Variants in NTM observed in about 807,000 individuals in gnomAD.
The protein encoded by NTM is IgLON family member 2.
A neutral mutation model predicts 42.1 loss-of-function variants in NTM; 13 were observed. The observed-to-expected ratio is 0.31, with a 90% CI of 0.20 to 0.49. The LOEUF is 0.49. Ranked by LOEUF, NTM falls within the 20% of genes least tolerant of loss-of-function variation. NTM has a pLI of 0.99. For missense variants in NTM, 373 were observed against 452.8 expected, an observed-to-expected ratio of 0.82 and a Z score of 1.60; for synonymous variants, 187 against 179.2, an observed-to-expected ratio of 1.04 and a Z score of -0.35.
At position 132,003,958 on chromosome 11, in the gene NTM, C is replaced by T. The variant is rs866904549; in HGVS notation, c.167+92310C>T. On this transcript the variant is annotated intron_variant, in intron 2 of 8. Transcript: ENST00000683400. The surrounding 1 kb of genome is among the most constrained non-coding windows in gnomAD (Gnocchi z 6.0). ...CCCATCCTCATTGTTCAGGTTTCATCGTCTCCTTAATCAACCATTAGCATA... is the reference window on the plus strand; with the variant it reads ...CCCATCCTCATTGTTCAGGTTTCATTGTCTCCTTAATCAACCATTAGCATA... Among the ~76,000 whole-genome samples, 4 of 152,326 alleles carry T rather than the reference C, an allele frequency of 2.6e-5. No individual in the cohort carries two copies. The highest frequency in any genetic ancestry group is 3.4e-3 in the Middle Eastern group (1 of 294).
At chr11:131,969,317 G>A (rs926400034) in intron 2 of NTM, among the ~76,000 whole-genome samples, 10 of 152,140 alleles carry the variant, frequency 6.6e-5, no homozygotes, top group Admixed American at 5.2e-4. Context: ...GGAGGTGATC[G>A]AAGACAGGTC....
intron 1 of NTM, among the ~76,000 whole-genome samples, chr11:131,826,778 G>A (rs1335115024): frequency 1.3e-5 from 2 of 152,106 alleles, no homozygotes; most frequent in African/African-American, 4.8e-5. Context: ...GATGTATACT[G>A]GTCCCAAACT....
chr11:132,271,475 A>C (rs534954760), intron 4 of NTM, among the ~76,000 whole-genome samples: 1 of 152,150 alleles, frequency 6.6e-6, no homozygotes, highest in African/African-American at 2.4e-5. Flanking sequence ...CTGCCAGACT[A>C]TTTTGCAAAG....
chr11:132,266,628 T>C (rs1591626465), intron 4 of NTM, among the ~76,000 whole-genome samples: 1 of 152,220 alleles, frequency 6.6e-6, no homozygotes, highest in South Asian at 2.1e-4. Context: ...GATTATGTGA[T>C]TTGAATGAGG....
At chr11:131,524,615 C>G (rs1209873566) in intron 1 of NTM, among the ~76,000 whole-genome samples, 1 of 152,220 alleles carries the variant, frequency 6.6e-6, no homozygotes, top group African/African-American at 2.4e-5. Flanking sequence ...CTGTTTTCTC[C>G]TCTGTAAAGT....
At chr11:131,498,795 G>T (rs1482469583) in intron 1 of NTM, among the ~76,000 whole-genome samples, 1 of 152,166 alleles carries the variant, frequency 6.6e-6, no homozygotes, top group African/African-American at 2.4e-5. Flanking sequence ...CCACTTGCTG[G>T]GCTCCTCATT....
intron 1 of NTM, among the ~76,000 whole-genome samples, chr11:131,434,940 T>G (rs1949001123): frequency 6.6e-6 from 1 of 152,248 alleles, no homozygotes; most frequent in African/African-American, 2.4e-5. Flanking sequence ...ATTTAAGTCT[T>G]TAATCCATCT....
At chr11:131,969,351 G>A (rs989151892) in intron 2 of NTM, among the ~76,000 whole-genome samples, 2 of 152,184 alleles carry the variant, frequency 1.3e-5, no homozygotes, top group African/African-American at 4.8e-5. Flanking sequence ...ACCTCTGATG[G>A]TGTTTTCTCT....
At chr11:131,947,198 C>A (rs2134291166) in intron 2 of NTM, among the ~76,000 whole-genome samples, 1 of 152,242 alleles carries the variant, frequency 6.6e-6, no homozygotes, top group African/African-American at 2.4e-5. Flanking sequence ...ATGCAGCTGG[C>A]CAGAAAAAGG....
intron 1 of NTM, among the ~76,000 whole-genome samples, chr11:131,691,164 C>T (rs2074635140): frequency 6.6e-6 from 1 of 152,162 alleles, no homozygotes; most frequent in Non-Finnish European, 1.5e-5. Context: ...CACCAGGGGC[C>T]CAGGCCACCC....
chr11:131,966,337 C>T (rs374274633), intron 2 of NTM, among the ~76,000 whole-genome samples: 1 of 152,164 alleles, frequency 6.6e-6, no homozygotes, highest in Non-Finnish European at 1.5e-5. Flanking sequence ...CCAACAAATA[C>T]ACTTTCCCTC....
intron 1 of NTM, among the ~76,000 whole-genome samples, chr11:131,864,528 C>A (rs2046947723): frequency 6.6e-6 from 1 of 152,204 alleles, no homozygotes; most frequent in Non-Finnish European, 1.5e-5. Flanking sequence ...GGCTCTGAAA[C>A]CCTGGAGGTT....
chr11:131,880,895 T>A (rs933930542), intron 1 of NTM, among the ~76,000 whole-genome samples: 6 of 152,118 alleles, frequency 3.9e-5, no homozygotes, highest in African/African-American at 1.4e-4. Flanking sequence ...TATGCAAAGA[T>A]ATAGGGCTCC....
At chr11:132,226,439 T>G (rs1366103179) in intron 4 of NTM, among the ~76,000 whole-genome samples, 1 of 152,250 alleles carries the variant, frequency 6.6e-6, no homozygotes, top group Non-Finnish European at 1.5e-5. Context: ...GTGGTTTTGA[T>G]TTGCATTTCT....
intron 1 of NTM, among the ~76,000 whole-genome samples, chr11:131,730,637 C>G (rs768508129): frequency 2.6e-5 from 4 of 151,524 alleles, no homozygotes; most frequent in Non-Finnish European, 4.4e-5. Flanking sequence ...GGGGATTGTT[C>G]GAGCCTAGGA....
In NTM at chr11:131,528,695, G is replaced by T. The variant is rs192143997; in HGVS notation, c.82+157807G>T. On this transcript the variant is annotated intron_variant, in intron 1 of 8. Transcript: ENST00000683400. Reference sequence around the variant, plus strand: ...TTCTTTTTATCTACCGCCTCCCACAGATCCCAGTACAGAGTAAGTATTCAG... The same window carrying T: ...TTCTTTTTATCTACCGCCTCCCACATATCCCAGTACAGAGTAAGTATTCAG... 2.0e-5 allele frequency among the ~76,000 whole-genome samples: 3 copies of T among 152,284 alleles called. No individual in the cohort carries two copies. The East Asian group carries it at 5.8e-4, about 29-fold the overall frequency.
At chr11:132,152,440 C>A (rs2072161913) in intron 3 of NTM, among the ~76,000 whole-genome samples, 1 of 152,198 alleles carries the variant, frequency 6.6e-6, no homozygotes, top group Non-Finnish European at 1.5e-5. Context: ...TTTCCAATGA[C>A]CTCTCTTTTT....
chr11:131,839,063 C>T (rs897289751), intron 1 of NTM, among the ~76,000 whole-genome samples: 5 of 151,528 alleles, frequency 3.3e-5, no homozygotes, highest in South Asian at 2.1e-4. Context: ...CGGGTTCATG[C>T]GATTCTCCTG....
intron 1 of NTM, among the ~76,000 whole-genome samples, chr11:131,658,375 A>G (rs2067476380): frequency 6.6e-6 from 1 of 152,244 alleles, no homozygotes; most frequent in Non-Finnish European, 1.5e-5. Context: ...AGGGGAAAAT[A>G]CAGAGCATTC....
Sources: allele counts gnomAD v4.1 joint callset (sites outside exome capture counted in the v4.1 genomes callset), GRCh38; gene constraint gnomAD v4.1.1; non-coding constraint Gnocchi (gnomAD v3.1); transcripts MANE v1.5; gene names NCBI Gene and HGNC (gene_info 2026-07-23, HGNC 2026-07-21).